Variants in MLLT1 observed in about 807,000 individuals in gnomAD.
MLLT1 encodes the protein MLLT1 super elongation complex subunit, also known as protein ENL.
MLLT1 carries 11 observed loss-of-function variants against 55.1 expected under a neutral mutation model. The observed-to-expected ratio is 0.20, with a 90% confidence interval of 0.13 to 0.33. The LOEUF (loss-of-function observed/expected upper bound fraction) is 0.33. Among genes scored for constraint, MLLT1 ranks in the 10% least tolerant of loss-of-function variants. MLLT1 has a pLI of 1.00. For synonymous variants in MLLT1, 323 were observed against 320.1 expected (o/e 1.01, Z -0.10); for missense variants, 536 against 760.6 (o/e 0.70, Z 3.47).
At position 6,230,144 on chromosome 19, in the gene MLLT1, G is replaced by A. The variant is rs1034843782; in HGVS notation, c.420+426C>T. ...TGGGGGTCCCGGCCACACGACTCCT[G>A]GAGAGCCCTGGTCCCAGAGCTGGCA... On this transcript the variant is annotated intron_variant, in intron 4 of 11. Coordinates refer to ENST00000252674, the MANE Select transcript of MLLT1 (RefSeq NM_005934.4). This position sits in a 1 kb window ranked among gnomAD's most constrained non-coding sequence, Gnocchi z 9.0. Among the ~76,000 whole-genome samples the A allele has an allele frequency of 1.3e-5, 2 of 152,192 alleles. No homozygotes were observed. The highest frequency in any genetic ancestry group is 4.8e-5 in the African/African-American group (2 of 41,426).
In MLLT1 at chr19:6,262,380, A is replaced by T; in HGVS notation, c.194-70T>A. 1.5e-6 allele frequency: 2 copies of T among 1,360,916 alleles called. No individual in the cohort carries two copies. The highest frequency in any genetic ancestry group is 2.4e-5 in the South Asian group (2 of 84,714). 84.3% of individuals were successfully genotyped at this position (1,360,916 alleles called of 1,614,324 possible). On this transcript the variant is annotated intron_variant, in intron 2 of 11. Coordinates refer to ENST00000252674, the MANE Select transcript of MLLT1 (RefSeq NM_005934.4). The surrounding 1 kb of genome is among the most constrained non-coding windows in gnomAD (Gnocchi z 4.4). ...TTCAGGCCCAGCTGCCAGCGGCAGT[A>T]CCGCACCCCTCAACCCCACCACCTC...
intron 3 of MLLT1, among the ~76,000 whole-genome samples, chr19:6,248,054 C>T (rs140556518): frequency 0.018 from 2,688 of 152,270 alleles, 37 homozygotes; most frequent in Middle Eastern, 0.051. Context: ...CCACGCCCTG[C>T]TAATTTTTGT....
intron 1 of MLLT1, among the ~76,000 whole-genome samples, chr19:6,276,777 C>T (rs1170859432): frequency 1.3e-5 from 2 of 152,182 alleles, no homozygotes; most frequent in African/African-American, 4.8e-5. Context: ...CAGACAACAC[C>T]AGCACAGACT....
rs2090961167 is a variant in MLLT1, at chr19:6,226,835, G to A, written c.546+142C>T. 3.6e-6 allele frequency: 2 copies of A among 550,584 alleles called. No homozygotes were observed. Among genetic ancestry groups the A allele is most frequent in the African/African-American group, 2.0e-5 (1 of 50,266 alleles). The allele number at this position is 550,584 out of a possible 1,614,324, so 34.1% of individuals were successfully genotyped here. A position where few individuals can be genotyped will look rare whatever the true frequency, so the allele number is the denominator to read the frequency against. On this transcript the variant is annotated intron_variant, in intron 5 of 11. Coordinates refer to ENST00000252674, the MANE Select transcript of MLLT1 (RefSeq NM_005934.4). This position sits in a 1 kb window ranked among gnomAD's most constrained non-coding sequence, Gnocchi z 6.3. ...GAAGCGGCAGTGCGCAGCGAGGGGTGTGCAGAGAGCTCAAAGAGGAAGACG... is the reference window on the plus strand; with the variant it reads ...GAAGCGGCAGTGCGCAGCGAGGGGTATGCAGAGAGCTCAAAGAGGAAGACG...
chr19:6,213,731 C>T lies in MLLT1; in HGVS notation c.1474G>A (p.Asp492Asn), dbSNP rs370317707. ...PEKILKKGTY[D>N]KAYTDELVEL... ...TGTCGTAGGTGCCCCCCCACCTTGTCGTAGGTGCCCTTCTTGAGGATCTTC... is the reference window on the plus strand; with the variant it reads ...TGTCGTAGGTGCCCCCCCACCTTGTTGTAGGTGCCCTTCTTGAGGATCTTC... The change falls in exon 10 of 12, where the codon GAC becomes AAC. Residue 492 changes from aspartate (D) to asparagine (N), a missense_variant. Asp to Asn is a conservative substitution (Grantham distance 23). Coordinates refer to ENST00000252674, the MANE Select transcript of MLLT1 (RefSeq NM_005934.4). 36 of 1,553,770 alleles carry T rather than the reference C, an allele frequency of 2.3e-5. No individual in the cohort carries two copies. Among genetic ancestry groups the T allele is most frequent in the African/African-American group, 2.8e-5 (2 of 70,948 alleles).
At chr19:6,215,473 C>T (rs953841541) in intron 8 of MLLT1, among the ~76,000 whole-genome samples, 2 of 152,172 alleles carry the variant, frequency 1.3e-5, no homozygotes, top group Non-Finnish European at 2.9e-5. Flanking sequence ...CAGCGGCTCC[C>T]CCGCAGTGAG....
At chr19:6,275,810 C>T (rs1374175040) in intron 1 of MLLT1, among the ~76,000 whole-genome samples, 3 of 152,136 alleles carry the variant, frequency 2.0e-5, no homozygotes, top group Non-Finnish European at 4.4e-5. Context: ...TGCAAGTTCC[C>T]CTTTATAGGG....
chr19:6,258,866 C>T (rs976592255), intron 3 of MLLT1, among the ~76,000 whole-genome samples: 1 of 152,236 alleles, frequency 6.6e-6, no homozygotes, highest in African/African-American at 2.4e-5. Flanking sequence ...CTCCACTGAA[C>T]TTCCTTGCCC....
At chr19:6,251,138 G>A (rs757639996) in intron 3 of MLLT1, among the ~76,000 whole-genome samples, 4 of 152,120 alleles carry the variant, frequency 2.6e-5, no homozygotes, top group Admixed American at 6.5e-5. Context: ...GTTTCCTTCC[G>A]GGGTGATGAA....
chr19:6,221,895 G>A (rs904885362), intron 6 of MLLT1, among the ~76,000 whole-genome samples: 19 of 152,226 alleles, frequency 1.2e-4, no homozygotes, highest in Non-Finnish European at 2.4e-4. Context: ...TGCCACCGAG[G>A]AGGCGAGGAG....
intron 3 of MLLT1, among the ~76,000 whole-genome samples, chr19:6,259,965 C>A (rs2144936339): frequency 6.6e-6 from 1 of 152,320 alleles, no homozygotes; most frequent in African/African-American, 2.4e-5. Context: ...CTTAACCCAA[C>A]TATGTTACCA....
intron 3 of MLLT1, among the ~76,000 whole-genome samples, chr19:6,252,804 T>C (rs1487588204): frequency 1.3e-5 from 2 of 152,154 alleles, no homozygotes; most frequent in Non-Finnish European, 2.9e-5. Context: ...GACAAACCTT[T>C]GGCTAGTATT....
Position 6,230,441 on chromosome 19 carries a change from G to T in MLLT1, c.420+129C>A. ...CCCAGGTCCCCTCCAGCTCTGCTGG[G>T]TGCTGCCGTGTGACCTGCGCCTTGG... On this transcript the variant is annotated intron_variant, in intron 4 of 11. Transcript: ENST00000252674. The surrounding 1 kb of genome is among the most constrained non-coding windows in gnomAD (Gnocchi z 9.0). 8.8e-7 allele frequency: 1 copy of T among 1,135,568 alleles called. No homozygotes were observed. Among genetic ancestry groups the T allele is most frequent in the Non-Finnish European group, 1.2e-6 (1 of 812,778 alleles). 70.3% of individuals were successfully genotyped at this position (1,135,568 alleles called of 1,614,324 possible). A position where few individuals can be genotyped will look rare whatever the true frequency, so the allele number is the denominator to read the frequency against.
At position 6,227,563 on chromosome 19, in the gene MLLT1, G is replaced by A. The variant is rs1179173849; in HGVS notation, c.421-461C>T. On this transcript the variant is annotated intron_variant, in intron 4 of 11. Transcript: ENST00000252674. This position sits in a 1 kb window ranked among gnomAD's most constrained non-coding sequence, Gnocchi z 5.1. Reference sequence around the variant, plus strand: ...GGTGCAACTCCAGTGGGTCCCACGTGCCCGGAGAATGAGCCGTCCTTGGTG... The same window carrying A: ...GGTGCAACTCCAGTGGGTCCCACGTACCCGGAGAATGAGCCGTCCTTGGTG... 6.6e-6 allele frequency among the ~76,000 whole-genome samples: 1 copy of A among 152,238 alleles called. No individual in the cohort carries two copies. The highest frequency in any genetic ancestry group is 1.9e-4 in the East Asian group (1 of 5,204).
chr19:6,277,144 A>C (rs930421379), intron 1 of MLLT1, among the ~76,000 whole-genome samples: 2 of 152,206 alleles, frequency 1.3e-5, no homozygotes, highest in African/African-American at 4.8e-5. Flanking sequence ...CTGACCACCA[A>C]CTCACCTACT....
At position 6,226,095 on chromosome 19, in the gene MLLT1, A is replaced by G. The variant is rs557056784; in HGVS notation, c.546+882T>C. 6.6e-6 allele frequency among the ~76,000 whole-genome samples: 1 copy of G among 152,320 alleles called. No individual in the cohort carries two copies. The highest frequency in any genetic ancestry group is 2.1e-4 in the South Asian group (1 of 4,830). ...TTCTTCTCCCGCATGGCTGACGGTG[A>G]GTCTGTGAGGCAGCTGGAGAGCCCT... On this transcript the variant is annotated intron_variant, in intron 5 of 11. Coordinates refer to ENST00000252674, the MANE Select transcript of MLLT1 (RefSeq NM_005934.4). This position sits in a 1 kb window ranked among gnomAD's most constrained non-coding sequence, Gnocchi z 6.3.
intron 3 of MLLT1, among the ~76,000 whole-genome samples, chr19:6,248,684 T>C (rs540459063): frequency 4.0e-4 from 61 of 152,270 alleles, no homozygotes; most frequent in African/African-American, 1.4e-3. Context: ...CAGGCAACAG[T>C]GCAGCATCCT....
At chr19:6,236,785 C>T (rs766899053) in intron 3 of MLLT1, among the ~76,000 whole-genome samples, 184 of 152,348 alleles carry the variant, frequency 1.2e-3, no homozygotes, top group Non-Finnish European at 2.2e-3. Flanking sequence ...CTCCTTCATG[C>T]CCCTGAGGCC....
At chr19:6,245,492 C>T (rs1008917842) in intron 3 of MLLT1, among the ~76,000 whole-genome samples, 11 of 151,622 alleles carry the variant, frequency 7.3e-5, no homozygotes, top group South Asian at 4.2e-4. Flanking sequence ...GGGCGGATCA[C>T]GAGGTCAGGA....
Sources: gnomAD v4.1 joint callset for allele counts (sites outside exome capture counted in the v4.1 genomes callset) on GRCh38, gnomAD v4.1.1 for gene constraint, Gnocchi (gnomAD v3.1) non-coding constraint, MANE v1.5 for transcripts, NCBI Gene and HGNC (gene_info 2026-07-23, HGNC 2026-07-21) for gene names.